Variants in C1orf141 observed in about 807,000 individuals in gnomAD.
The protein encoded by C1orf141 is uncharacterized protein C1orf141.
Under a neutral mutation model 23.2 loss-of-function variants are expected in C1orf141, and 19 were observed. The ratio of observed to expected loss-of-function variants is 0.82; its 90% CI spans 0.57 to 1.20. The LOEUF (loss-of-function observed/expected upper bound fraction) is 1.20, where lower values mean the gene tolerates loss of function less well. C1orf141 is among the 50% of genes most tolerant of loss of function. The pLI, the probability that C1orf141 is intolerant of heterozygous loss-of-function variation, is 0.00. For synonymous variants in C1orf141, 153 were observed against 154.6 expected (o/e 0.99, Z 0.08); for missense variants, 469 against 455.1 (o/e 1.03, Z -0.28).
chr1:67,126,019 G>C (rs899068984), intron 3 of C1orf141, 110 bp from the exon 4 acceptor site: 24 of 1,104,966 alleles, frequency 2.2e-5, no homozygotes, highest in Non-Finnish European at 3.0e-5. Flanking sequence ...CACACACACA[G>C]AATTTAGGTG....
intron 5 of C1orf141, among the ~76,000 whole-genome samples, chr1:67,098,598 C>A (rs1885279): frequency 0.1 from 15,298 of 151,982 alleles, 1,222 homozygotes; most frequent in African/African-American, 0.22. Context: ...AGGGTCAGCA[C>A]TACAATTAAA....
At chr1:67,100,823 G>T (rs1268443295) in intron 5 of C1orf141, among the ~76,000 whole-genome samples, 1 of 152,078 alleles carries the variant, frequency 6.6e-6, no homozygotes, top group Non-Finnish European at 1.5e-5. Context: ...TCCAGATGTC[G>T]TTACCTTATA....
chr1:67,117,260 T>C (rs1190589113), intron 4 of C1orf141, among the ~76,000 whole-genome samples: 1 of 152,066 alleles, frequency 6.6e-6, no homozygotes, highest in East Asian at 1.9e-4. Flanking sequence ...CCATCTCTAC[T>C]AAAAATACAA....
chr1:67,103,014 A>G (rs1207343421), intron 5 of C1orf141, among the ~76,000 whole-genome samples: 2 of 152,182 alleles, frequency 1.3e-5, no homozygotes, highest in Non-Finnish European at 2.9e-5. Flanking sequence ...GAATCAAATC[A>G]CACAGTAATT....
At chr1:67,140,214 G>A (rs1287359529) in intron 1 of C1orf141, among the ~76,000 whole-genome samples, 1 of 152,080 alleles carries the variant, frequency 6.6e-6, no homozygotes, top group Non-Finnish European at 1.5e-5. Context: ...CACTTACTAT[G>A]CATGCAAAAG....
chr1:67,103,169 A>T (rs924656086), intron 5 of C1orf141: 8 of 792,390 alleles, frequency 1.0e-5, no homozygotes, highest in African/African-American at 1.7e-5. Context: ...GATTTTCTTA[A>T]TGCTTACACA....
At chr1:67,128,234 G>T (rs935311946) in intron 2 of C1orf141, among the ~76,000 whole-genome samples, 1 of 152,064 alleles carries the variant, frequency 6.6e-6, no homozygotes. Context: ...TCAGAACCTG[G>T]TCTAATTTAT....
Position 67,092,567 on chromosome 1 carries a change from C to T in C1orf141, c.*438G>A, listed in dbSNP as rs1488139707. 1 of 153,126 alleles carries T rather than the reference C, an allele frequency of 6.5e-6. No homozygotes were observed. The highest frequency in any genetic ancestry group is 2.4e-5 in the African/African-American group (1 of 41,428). 9.5% of individuals were successfully genotyped at this position (153,126 alleles called of 1,614,324 possible). Reference sequence around the variant, plus strand: ...ATGTAATACTATTGATGATGATTTGCTGAAATGCTGGTATACAATTAACTC... The same window carrying T: ...ATGTAATACTATTGATGATGATTTGTTGAAATGCTGGTATACAATTAACTC... On this transcript the variant is annotated 3_prime_UTR_variant, in exon 8 of 8. Coordinates refer to ENST00000684719, the MANE Select transcript of C1orf141 (RefSeq NM_001276351.2).
Position 67,092,486 on chromosome 1 carries a change from T to C in C1orf141, c.*519A>G, listed in dbSNP as rs6687611. ...ATAATGAAGTTCCAACAGCTACTAATGACAATAAAATCTATTCAAAGTTTT... is the reference window on the plus strand; with the variant it reads ...ATAATGAAGTTCCAACAGCTACTAACGACAATAAAATCTATTCAAAGTTTT... On this transcript the variant is annotated 3_prime_UTR_variant, in exon 8 of 8. Coordinates refer to ENST00000684719, the MANE Select transcript of C1orf141 (RefSeq NM_001276351.2). The C allele has an allele frequency of 0.9, 136,822 of 152,332 alleles. 61,745 individuals carry two copies. The highest frequency in any genetic ancestry group is 0.97 in the East Asian group (5,108 of 5,258). The allele number at this position is 152,332 out of a possible 1,614,324, so 9.4% of individuals were successfully genotyped here. A position where few individuals can be genotyped will look rare whatever the true frequency, so the allele number is the denominator to read the frequency against.
chr1:67,127,111 T>C, intron 3 of C1orf141, 55 bp downstream of exon 3: 1 of 1,210,662 alleles, frequency 8.3e-7, no homozygotes, highest in Non-Finnish European at 1.2e-6. Flanking sequence ...TTATTCACAT[T>C]TGAAATGTTA....
upstream of C1orf141, among the ~76,000 whole-genome samples, chr1:67,137,760 G>A (rs1271814879): frequency 1.3e-5 from 2 of 152,206 alleles, no homozygotes; most frequent in Non-Finnish European, 2.9e-5. Flanking sequence ...GCAAAGGCCG[G>A]ACTTTCTTTT....
At chr1:67,134,373 T>C (rs1349291361) in intron 1 of C1orf141, among the ~76,000 whole-genome samples, 1 of 152,228 alleles carries the variant, frequency 6.6e-6, no homozygotes, top group Non-Finnish European at 1.5e-5. Context: ...TGTGGAGTAT[T>C]ATTGTGGGCG....
chr1:67,093,462 C>A lies in C1orf141; in HGVS notation c.746G>T (p.Arg249Ile), dbSNP rs1161351839. Residue 249 changes from arginine (R) to isoleucine (I), a missense_variant, in exon 8 of 8, where the codon AGA becomes ATA. Coordinates refer to ENST00000684719, the MANE Select transcript of C1orf141 (RefSeq NM_001276351.2). Reference protein sequence around the residue: ...PHKRTNFILERNCEILKSIIG... With the variant: ...PHKRTNFILEINCEILKSIIG... ...TATAGATTTGAGGATTTCACAATTT[C>A]TTTCTAAAATGAAATTTGTTCTTTT... is the stretch of plus-strand genomic sequence containing the variant. 6.2e-7 allele frequency: 1 copy of A among 1,610,478 alleles called. No individual in the cohort carries two copies. The highest frequency in any genetic ancestry group is 8.5e-7 in the Non-Finnish European group (1 of 1,177,560).
chr1:67,111,527 C>T, intron 5 of C1orf141: 1 of 688,046 alleles, frequency 1.5e-6, no homozygotes, highest in Non-Finnish European at 2.2e-6. Context: ...ATTATTAGGA[C>T]TAATTTGAAT....
At chr1:67,107,342 C>T (rs1471524757) in intron 5 of C1orf141, among the ~76,000 whole-genome samples, 2 of 152,024 alleles carry the variant, frequency 1.3e-5, no homozygotes, top group Non-Finnish European at 2.9e-5. Context: ...ACAAAAAGCA[C>T]AGGGGCAAAC....
At chr1:67,109,056 G>A (rs923896161) in intron 5 of C1orf141, among the ~76,000 whole-genome samples, 11 of 152,198 alleles carry the variant, frequency 7.2e-5, no homozygotes, top group East Asian at 1.9e-4. Flanking sequence ...AGGCCGGTGC[G>A]GTGGCTCATG....
intron 2 of C1orf141, among the ~76,000 whole-genome samples, chr1:67,130,253 A>T (rs1212294485): frequency 6.6e-6 from 1 of 152,162 alleles, no homozygotes; most frequent in Non-Finnish European, 1.5e-5. Flanking sequence ...CATATTCCCC[A>T]CCTAAGTTTA....
chr1:67,095,088 G>A (rs1645644481), intron 7 of C1orf141, 147 bp downstream of exon 7: 3 of 533,916 alleles, frequency 5.6e-6, no homozygotes, highest in Admixed American at 3.7e-5. Flanking sequence ...AGTGCATTAA[G>A]AACTTAAGTG....
At chr1:67,140,782 A>AT (rs1392294634) in intron 1 of C1orf141, among the ~76,000 whole-genome samples, 2 of 152,186 alleles carry the variant, frequency 1.3e-5, no homozygotes, top group Non-Finnish European at 2.9e-5. Flanking sequence ...AACATCTATC[A>AT]TCTATTTATT....
Sources: allele counts gnomAD v4.1 joint callset (sites outside exome capture counted in the v4.1 genomes callset), GRCh38; gene constraint gnomAD v4.1.1; transcripts MANE v1.5; gene names NCBI Gene and HGNC (gene_info 2026-07-23, HGNC 2026-07-21).